FIGN: variants seen among roughly 807,000 people sequenced by gnomAD.
FIGN encodes the protein fidgetin, microtubule severing factor, also known as fidgetin.
In FIGN, 11 loss-of-function variants were observed where a neutral mutation model predicts 51.3. The ratio of observed to expected loss-of-function variants is 0.21; its 90% CI spans 0.13 to 0.35. The LOEUF is 0.35. Among genes scored for constraint, FIGN ranks in the 10% least tolerant of loss-of-function variants. FIGN has a pLI of 1.00. For synonymous variants in FIGN, 407 were observed against 363.2 expected (o/e 1.12, Z -1.37); for missense variants, 857 against 943.6 (o/e 0.91, Z 1.20).
At chr2:163,725,124 C>A (rs1013498876) in intron 2 of FIGN, among the ~76,000 whole-genome samples, 2 of 152,068 alleles carry the variant, frequency 1.3e-5, no homozygotes, top group African/African-American at 4.8e-5. Context: ...CTAATATAAA[C>A]CCTAATATTA....
chr2:163,675,627 C>G (rs529646120), intron 2 of FIGN, among the ~76,000 whole-genome samples: 1 of 151,858 alleles, frequency 6.6e-6, no homozygotes, highest in Non-Finnish European at 1.5e-5. Context: ...GTGCGCATGC[C>G]CAGCCCTTGT....
At chr2:163,718,399 G>A (rs1684702833) in intron 2 of FIGN, among the ~76,000 whole-genome samples, 1 of 152,156 alleles carries the variant, frequency 6.6e-6, no homozygotes, top group African/African-American at 2.4e-5. Flanking sequence ...GGATGTAACA[G>A]TGTCAGGATT....
At chr2:163,641,085 C>A (rs568509992) in intron 2 of FIGN, among the ~76,000 whole-genome samples, 1 of 152,300 alleles carries the variant, frequency 6.6e-6, no homozygotes, top group South Asian at 2.1e-4. Flanking sequence ...GGGCTTTACC[C>A]AGAGGGCTTC....
chr2:163,693,027 C>T (rs769550794), intron 2 of FIGN, among the ~76,000 whole-genome samples: 14 of 152,214 alleles, frequency 9.2e-5, no homozygotes, highest in Admixed American at 2.6e-4. Context: ...AGCATCTTCC[C>T]ATGACCCATT....
chr2:163,643,894 T>A (rs1192551691), intron 2 of FIGN, among the ~76,000 whole-genome samples: 1 of 118,936 alleles, frequency 8.4e-6, no homozygotes, highest in African/African-American at 3.3e-5. Context: ...ATCACACCCC[T>A]GCACTCCAGG....
chr2:163,713,759 G>A lies in FIGN; in HGVS notation c.25+21144C>T, dbSNP rs567081099. Among the ~76,000 whole-genome samples, 14 of 152,106 alleles carry A rather than the reference G, an allele frequency of 9.2e-5. No homozygotes were observed. The South Asian group carries it at 2.7e-3, about 29-fold the overall frequency. Reference sequence around the variant, plus strand: ...GGACCACCTGATACTTTTTCAGCAGGGTGATAAAATTAAAGGATGGTTTTG... The same window carrying A: ...GGACCACCTGATACTTTTTCAGCAGAGTGATAAAATTAAAGGATGGTTTTG... On this transcript the variant is annotated intron_variant, in intron 2 of 2. Transcript: ENST00000333129.
chr2:163,645,114 GA>G (rs1320586746), intron 2 of FIGN, among the ~76,000 whole-genome samples: 3 of 152,098 alleles, frequency 2.0e-5, no homozygotes, highest in South Asian at 2.1e-4. Context: ...AACACTTAAA[GA>G]AAAAAATTAC....
intron 2 of FIGN, among the ~76,000 whole-genome samples, chr2:163,691,592 A>C (rs1465807143): frequency 6.6e-6 from 1 of 152,144 alleles, no homozygotes; most frequent in Non-Finnish European, 1.5e-5. Context: ...AATCCAAGAG[A>C]AACTAACACC....
intron 2 of FIGN, among the ~76,000 whole-genome samples, chr2:163,680,165 G>A (rs1018730580): frequency 2.6e-5 from 4 of 152,202 alleles, no homozygotes; most frequent in Non-Finnish European, 5.9e-5. Flanking sequence ...CAGGGACTAT[G>A]TAGGCATACA....
At chr2:163,638,320 A>C (rs933515078) in intron 2 of FIGN, among the ~76,000 whole-genome samples, 14 of 151,984 alleles carry the variant, frequency 9.2e-5, no homozygotes, top group Non-Finnish European at 1.6e-4. Flanking sequence ...AATTAATGGT[A>C]ATTTAAATGT....
chr2:163,643,345 C>T (rs1260765587), intron 2 of FIGN, among the ~76,000 whole-genome samples: 1 of 152,176 alleles, frequency 6.6e-6, no homozygotes, highest in African/African-American at 2.4e-5. Context: ...CGAAGTTGGA[C>T]TCCACTTTAC....
At chr2:163,720,414 G>A (rs1684738934) in intron 2 of FIGN, among the ~76,000 whole-genome samples, 1 of 152,144 alleles carries the variant, frequency 6.6e-6, no homozygotes, top group Admixed American at 6.5e-5. Flanking sequence ...TGGTTTATTT[G>A]TGATTAGTTT....
intron 2 of FIGN, among the ~76,000 whole-genome samples, chr2:163,621,627 C>G (rs1396393473): frequency 6.6e-6 from 1 of 152,124 alleles, no homozygotes; most frequent in Non-Finnish European, 1.5e-5. Context: ...TTCATTTTCC[C>G]CACCCTGCCC....
intron 2 of FIGN, among the ~76,000 whole-genome samples, chr2:163,614,706 G>A (rs1056706816): frequency 2.6e-5 from 4 of 151,982 alleles, no homozygotes; most frequent in Non-Finnish European, 5.9e-5. Flanking sequence ...ATAAGTTAAA[G>A]GACGGCTTCC....
chr2:163,690,430 G>A (rs1470321300), intron 2 of FIGN, among the ~76,000 whole-genome samples: 2 of 152,086 alleles, frequency 1.3e-5, no homozygotes, highest in East Asian at 1.9e-4. Context: ...GTGTCAAAAA[G>A]CCGTAGAGCT....
chr2:163,720,214 A>T (rs1684735132), intron 2 of FIGN, among the ~76,000 whole-genome samples: 1 of 152,202 alleles, frequency 6.6e-6, no homozygotes, highest in South Asian at 2.1e-4. Flanking sequence ...TTTAAAGAGA[A>T]ACATTTGTAG....
intron 2 of FIGN, among the ~76,000 whole-genome samples, chr2:163,621,647 G>A (rs1367913995): frequency 6.6e-6 from 1 of 152,084 alleles, no homozygotes; most frequent in Non-Finnish European, 1.5e-5. Context: ...CCCTTCTAGT[G>A]AAATAGACCT....
At chr2:163,624,046 A>G (rs1009789664) in intron 2 of FIGN, among the ~76,000 whole-genome samples, 1 of 129,380 alleles carries the variant, frequency 7.7e-6, no homozygotes, top group Non-Finnish European at 1.8e-5. Context: ...CTATTTGAGT[A>G]CTAATATTCA....
Position 163,610,171 on chromosome 2 carries a change from C to A in FIGN, c.1661G>T (p.Gly554Val). 1 of 1,614,086 alleles carries A rather than the reference C, an allele frequency of 6.2e-7. No individual in the cohort carries two copies. The change falls in exon 3 of 3, where the codon GGA (glycine) becomes GTA (valine). Residue 554 changes from glycine (G) to valine (V), a missense_variant. Coordinates refer to ENST00000333129, the MANE Select transcript of FIGN (RefSeq NM_018086.4). ...TTCTCCTAACCACTTGGCGACTAGTCCAGAACCGGCAATTTTGAAAAATGT... is the reference window on the plus strand; with the variant it reads ...TTCTCCTAACCACTTGGCGACTAGTACAGAACCGGCAATTTTGAAAAATGT... ...GATFFKIAGS[G>V]LVAKWLGEAE...
Sources: allele counts gnomAD v4.1 joint callset (sites outside exome capture counted in the v4.1 genomes callset), GRCh38; gene constraint gnomAD v4.1.1; transcripts MANE v1.5; gene names NCBI Gene and HGNC (gene_info 2026-07-23, HGNC 2026-07-21).